Variants in L3MBTL4 observed in about 807,000 individuals in gnomAD.
L3MBTL4 encodes the protein lethal(3)malignant brain tumor-like protein 4.
L3MBTL4 carries 70 observed loss-of-function variants against 84.5 expected under a neutral mutation model. The ratio of observed to expected loss-of-function variants is 0.83; its 90% CI spans 0.68 to 1.01. The LOEUF is 1.01. Among genes scored for constraint, L3MBTL4 ranks in the 50% least tolerant of loss-of-function variants. The pLI is 0.00. For synonymous variants in L3MBTL4, 274 were observed against 259.8 expected (o/e 1.05, Z -0.52); for missense variants, 715 against 754.8 (o/e 0.95, Z 0.62).
At chr18:5,960,380 T>G (rs1351094061) in intron 17 of L3MBTL4, among the ~76,000 whole-genome samples, 1 of 152,190 alleles carries the variant, frequency 6.6e-6, no homozygotes, top group Non-Finnish European at 1.5e-5. Context: ...AGGGTTATGG[T>G]TATAATGACG....
At chr18:6,133,424 G>A (rs559013646) in intron 14 of L3MBTL4, among the ~76,000 whole-genome samples, 217 of 152,176 alleles carry the variant, frequency 1.4e-3, no homozygotes, top group South Asian at 7.3e-3. Flanking sequence ...CCTAGTGCTT[G>A]TCTAGGAAGT....
intron 13 of L3MBTL4, among the ~76,000 whole-genome samples, chr18:6,158,729 A>G (rs1240194058): frequency 2.0e-5 from 3 of 152,226 alleles, no homozygotes; most frequent in African/African-American, 4.8e-5. Flanking sequence ...ACATGGTAGA[A>G]GGTCAGTGGC....
At chr18:6,186,421 T>C (rs2145439543) in intron 12 of L3MBTL4, among the ~76,000 whole-genome samples, 1 of 152,214 alleles carries the variant, frequency 6.6e-6, no homozygotes, top group African/African-American at 2.4e-5. Context: ...CATGGAGCCA[T>C]GGAGACTTGA....
chr18:6,264,919 C>T (rs1027004578), intron 4 of L3MBTL4, among the ~76,000 whole-genome samples: 11 of 152,184 alleles, frequency 7.2e-5, no homozygotes, highest in Admixed American at 4.6e-4. Flanking sequence ...AAATTAAACA[C>T]TGGAAACAAA....
At chr18:5,958,069 A>G (rs551659176) in intron 18 of L3MBTL4, among the ~76,000 whole-genome samples, 2 of 31,710 alleles carry the variant, frequency 6.3e-5, no homozygotes, top group Non-Finnish European at 9.2e-5. Context: ...AAGGAGAAGA[A>G]GAAGAAGAAG....
intron 1 of L3MBTL4, among the ~76,000 whole-genome samples, chr18:6,337,511 C>T (rs2052399541): frequency 1.3e-5 from 2 of 151,922 alleles, no homozygotes; most frequent in East Asian, 3.9e-4. Context: ...GGGATGCATA[C>T]CATATAATGC....
intron 16 of L3MBTL4, chr18:6,046,830 C>A (rs948055183): frequency 2.7e-6 from 2 of 741,026 alleles, no homozygotes; most frequent in Non-Finnish European, 4.9e-6. Context: ...AATCTAATAT[C>A]ACATCTAGAG....
At chr18:6,137,309 T>C (rs2060054547) in intron 14 of L3MBTL4, among the ~76,000 whole-genome samples, 1 of 152,194 alleles carries the variant, frequency 6.6e-6, no homozygotes, top group Admixed American at 6.5e-5. Context: ...ACATATCACA[T>C]TTATATTCAT....
At chr18:6,359,148 C>G (rs1324028935) in intron 1 of L3MBTL4, among the ~76,000 whole-genome samples, 1 of 152,206 alleles carries the variant, frequency 6.6e-6, no homozygotes, top group African/African-American at 2.4e-5. Flanking sequence ...CTCAGGCCAA[C>G]ATTTAATAAT....
chr18:6,335,651 A>T (rs1026140382), intron 1 of L3MBTL4, among the ~76,000 whole-genome samples: 4 of 152,062 alleles, frequency 2.6e-5, no homozygotes, highest in African/African-American at 9.7e-5. Context: ...CAAGGGAGGG[A>T]CCTGGTGGGA....
intron 14 of L3MBTL4, among the ~76,000 whole-genome samples, chr18:6,133,724 T>C (rs1246665600): frequency 6.6e-6 from 1 of 152,034 alleles, no homozygotes; most frequent in African/African-American, 2.4e-5. Flanking sequence ...AAAATAATAA[T>C]TGGTCACAGC....
Position 5,955,775 on chromosome 18 carries a change from C to G in L3MBTL4, c.*445G>C, listed in dbSNP as rs2144571416. The G allele has an allele frequency of 6.5e-6, 1 of 153,520 alleles. No homozygotes were observed. The highest frequency in any genetic ancestry group is 3.4e-3 in the Middle Eastern group (1 of 298). The allele number at this position is 153,520 out of a possible 1,614,324, so 9.5% of individuals were successfully genotyped here. On this transcript the variant is annotated 3_prime_UTR_variant, in exon 19 of 19. Coordinates refer to ENST00000317931, the MANE Select transcript of L3MBTL4 (RefSeq NM_001330559.2). The stretch of plus-strand genomic sequence containing the variant: ...CTCTAGCTCTTAGACTAGCTGTGCT[C>G]CATGGCAGATCTGAGCCAAGCTCGA...
chr18:6,384,344 A>T (rs764480677), intron 1 of L3MBTL4, among the ~76,000 whole-genome samples: 40 of 152,182 alleles, frequency 2.6e-4, no homozygotes, highest in Non-Finnish European at 5.3e-4. Context: ...ACACATCCAT[A>T]TACATATATC....
intron 1 of L3MBTL4, among the ~76,000 whole-genome samples, chr18:6,344,426 C>T (rs1023948740): frequency 6.6e-6 from 1 of 152,188 alleles, no homozygotes; most frequent in Non-Finnish European, 1.5e-5. Context: ...AGCCCAGTAT[C>T]TGGTCACTTC....
At chr18:6,308,290 A>G (rs568833263) in intron 3 of L3MBTL4, among the ~76,000 whole-genome samples, 2 of 152,338 alleles carry the variant, frequency 1.3e-5, no homozygotes, top group Admixed American at 6.5e-5. Flanking sequence ...TGTAAAACAT[A>G]TAACAAATCC....
chr18:6,394,382 C>A (rs2055186609), intron 1 of L3MBTL4, among the ~76,000 whole-genome samples: 1 of 152,130 alleles, frequency 6.6e-6, no homozygotes, highest in African/African-American at 2.4e-5. Context: ...GCAGGAGAAT[C>A]ACTTGAACCC....
chr18:6,031,435 G>C (rs1598487723), intron 16 of L3MBTL4: 17 of 985,436 alleles, frequency 1.7e-5, no homozygotes, highest in Non-Finnish European at 2.0e-5. Flanking sequence ...TATAAGTTGC[G>C]AGGTGGGACC....
chr18:6,174,088 C>T (rs1399197314), intron 12 of L3MBTL4, among the ~76,000 whole-genome samples: 1 of 151,426 alleles, frequency 6.6e-6, no homozygotes, highest in African/African-American at 2.4e-5. Flanking sequence ...AAAATCAAGC[C>T]TTAGCCAGAT....
intron 12 of L3MBTL4, among the ~76,000 whole-genome samples, chr18:6,178,889 C>T (rs940076072): frequency 6.6e-6 from 1 of 152,178 alleles, no homozygotes; most frequent in Non-Finnish European, 1.5e-5. Flanking sequence ...TAGGACTTGC[C>T]CTGAGCCCCT....
Sources: allele counts gnomAD v4.1 joint callset (sites outside exome capture counted in the v4.1 genomes callset), GRCh38; gene constraint gnomAD v4.1.1; transcripts MANE v1.5; gene names NCBI Gene and HGNC (gene_info 2026-07-23, HGNC 2026-07-21).